Variants in FAM174A observed in about 807,000 individuals in gnomAD.
The protein encoded by FAM174A is family with sequence similarity 174 member A.
Under a neutral mutation model 14.3 loss-of-function variants are expected in FAM174A, and 14 were observed. The ratio of observed to expected loss-of-function variants is 0.98; its 90% CI spans 0.65 to 1.53. FAM174A has a LOEUF of 1.53. Among genes scored for constraint, FAM174A ranks in the 40% most tolerant of loss-of-function variants. The probability of loss-of-function intolerance (pLI) is 0.00; values close to 1 mark genes in which losing one functional copy is unlikely to be tolerated. For missense variants in FAM174A, 241 were observed against 249.6 expected, an observed-to-expected ratio of 0.97 and a Z score of 0.23; for synonymous variants, 108 against 111.4, an observed-to-expected ratio of 0.97 and a Z score of 0.19.
At chr5:100,564,406 A>G (rs1182892094) in intron 2 of FAM174A, among the ~76,000 whole-genome samples, 2 of 151,890 alleles carry the variant, frequency 1.3e-5, no homozygotes, top group Non-Finnish European at 2.9e-5. Context: ...GTTTATAGCA[A>G]TAAATGCTTA....
chr5:100,562,175 AATC>A lies in FAM174A; in HGVS notation c.560_562del (p.His187del). 1 of 1,577,820 alleles carries A rather than the reference AATC, an allele frequency of 6.3e-7. No homozygotes were observed. Among genetic ancestry groups the A allele is most frequent in the Non-Finnish European group, 8.6e-7 (1 of 1,165,632 alleles). ...TGATGACAACACGTTGTTTGATGCC[AATC>A]ATCCTCGAAGGTAAGTATTCCAGTA... On this transcript the variant is annotated inframe_deletion, in exon 2 of 3. Transcript: ENST00000312637.
At chr5:100,565,193 A>C (rs988230000) in intron 2 of FAM174A, among the ~76,000 whole-genome samples, 2 of 151,882 alleles carry the variant, frequency 1.3e-5, no homozygotes, top group Non-Finnish European at 2.9e-5. Context: ...CTGGAATGCA[A>C]ATATCTTTCA....
At chr5:100,539,237 G>A (rs890047605) in intron 1 of FAM174A, among the ~76,000 whole-genome samples, 1 of 151,976 alleles carries the variant, frequency 6.6e-6, no homozygotes, top group Admixed American at 6.6e-5. Context: ...TGGGCACTGG[G>A]GATACAGTTT....
chr5:100,536,542 T>G (rs1344864416), intron 1 of FAM174A, among the ~76,000 whole-genome samples: 2 of 152,176 alleles, frequency 1.3e-5, no homozygotes, highest in African/African-American at 4.8e-5. Flanking sequence ...CTATCAGTGT[T>G]TCCTAGTATT....
chr5:100,544,466 GA>G (rs1399533083), intron 1 of FAM174A, among the ~76,000 whole-genome samples: 5 of 152,066 alleles, frequency 3.3e-5, no homozygotes, highest in Non-Finnish European at 5.9e-5. Context: ...AGAGGAGAGA[GA>G]GGGGGAAAAG....
intron 2 of FAM174A, among the ~76,000 whole-genome samples, chr5:100,562,902 C>A (rs1322997617): frequency 6.6e-6 from 1 of 151,672 alleles, no homozygotes. Context: ...AACAAAGATT[C>A]AACCTAATAA....
In FAM174A at chr5:100,560,267, A is replaced by T. The variant is rs116279779; in HGVS notation, c.435-1787A>T. ...TAGAGAAAGTTTAGACCTCTGGTCTACATGGTGTGTGTGGGTGTGTTTGCA... is the reference window on the plus strand; with the variant it reads ...TAGAGAAAGTTTAGACCTCTGGTCTTCATGGTGTGTGTGGGTGTGTTTGCA... On this transcript the variant is annotated intron_variant, in intron 1 of 2. Transcript: ENST00000312637. Among the ~76,000 whole-genome samples the T allele has an allele frequency of 7.3e-3, 1,115 of 152,236 alleles. 18 individuals are homozygous for T. The highest frequency in any genetic ancestry group is 0.025 in the African/African-American group (1,031 of 41,564).
At chr5:100,575,318 T>A (rs1476316555) in intron 2 of FAM174A, among the ~76,000 whole-genome samples, 2 of 152,092 alleles carry the variant, frequency 1.3e-5, no homozygotes, top group Non-Finnish European at 2.9e-5. Flanking sequence ...TTGTTACATA[T>A]GTATACATAT....
At position 100,562,138 on chromosome 5, in the gene FAM174A, G is replaced by C; in HGVS notation, c.519G>C (p.Gln173His). 1 of 1,585,520 alleles carries C rather than the reference G, an allele frequency of 6.3e-7. No homozygotes were observed. The highest frequency in any genetic ancestry group is 8.6e-7 in the Non-Finnish European group (1 of 1,168,514). Residue 173 changes from glutamine to histidine, a missense_variant, in exon 2 of 3, where the codon CAG becomes CAC. Coordinates refer to ENST00000312637, the MANE Select transcript of FAM174A (RefSeq NM_198507.3). ...IENMELTPLE[Q>H]DDEDDDNTLF... ...ATATGGAATTGACACCTTTAGAACA[G>C]GATGATGAGGATGATGACAACACGT...
chr5:100,536,320 A>T (rs1297556163), intron 1 of FAM174A, among the ~76,000 whole-genome samples: 1 of 152,118 alleles, frequency 6.6e-6, no homozygotes, highest in Admixed American at 6.6e-5. Flanking sequence ...AAATTTTTGT[A>T]TACCTAACTG....
intron 1 of FAM174A, among the ~76,000 whole-genome samples, chr5:100,551,341 G>A (rs774941397): frequency 6.6e-6 from 1 of 152,094 alleles, no homozygotes; most frequent in Non-Finnish European, 1.5e-5. Context: ...CCCTAAACTT[G>A]TCCCTAGCCG....
intron 2 of FAM174A, among the ~76,000 whole-genome samples, chr5:100,581,611 T>C (rs1747018789): frequency 6.6e-6 from 1 of 152,150 alleles, no homozygotes; most frequent in South Asian, 2.1e-4. Flanking sequence ...GCTTAATTCT[T>C]GATAAGTTAA....
intron 2 of FAM174A, among the ~76,000 whole-genome samples, chr5:100,584,112 G>A (rs752827917): frequency 3.3e-5 from 5 of 152,178 alleles, no homozygotes; most frequent in Non-Finnish European, 7.3e-5. Flanking sequence ...AGTGGAACCA[G>A]TCCAGAAAAA....
At chr5:100,536,401 T>C (rs1023878486) in intron 1 of FAM174A, among the ~76,000 whole-genome samples, 8 of 152,224 alleles carry the variant, frequency 5.3e-5, no homozygotes, top group Non-Finnish European at 1.0e-4. Flanking sequence ...TTGTGAGTCT[T>C]ACAAATTATT....
intron 2 of FAM174A, among the ~76,000 whole-genome samples, chr5:100,572,653 G>C (rs1335565753): frequency 6.6e-6 from 1 of 151,844 alleles, no homozygotes; most frequent in Non-Finnish European, 1.5e-5. Flanking sequence ...GTCTATCATT[G>C]TTGGACATTT....
At chr5:100,541,739 T>C (rs755027226) in intron 1 of FAM174A, among the ~76,000 whole-genome samples, 1 of 152,112 alleles carries the variant, frequency 6.6e-6, no homozygotes, top group Non-Finnish European at 1.5e-5. Flanking sequence ...TCATTCTCTC[T>C]TATGCTTTTT....
intron 2 of FAM174A, among the ~76,000 whole-genome samples, chr5:100,570,026 G>A (rs1746744434): frequency 6.6e-6 from 1 of 151,876 alleles, no homozygotes; most frequent in African/African-American, 2.4e-5. Context: ...TAGTCATACA[G>A]TTTTTCTATT....
At chr5:100,540,694 A>G (rs922597053) in intron 1 of FAM174A, among the ~76,000 whole-genome samples, 1 of 152,210 alleles carries the variant, frequency 6.6e-6, no homozygotes, top group African/African-American at 2.4e-5. Context: ...AGATGATGAC[A>G]TAACTGATAT....
At position 100,586,573 on chromosome 5, in the gene FAM174A, C is replaced by T. The variant is rs1747129866; in HGVS notation, c.*389C>T. 6.5e-6 allele frequency: 1 copy of T among 153,956 alleles called. No homozygotes were observed. The highest frequency in any genetic ancestry group is 2.4e-5 in the African/African-American group (1 of 41,512). The allele number at this position is 153,956 out of a possible 1,614,324, so 9.5% of individuals were successfully genotyped here. A position where few individuals can be genotyped will look rare whatever the true frequency, so the allele number is the denominator to read the frequency against. Reference sequence around the variant, plus strand: ...GTTAAAGAGCTATAAATTCCAACAACCAACTGGTGTGTAAAAATAATTTAA... The same window carrying T: ...GTTAAAGAGCTATAAATTCCAACAATCAACTGGTGTGTAAAAATAATTTAA... On this transcript the variant is annotated 3_prime_UTR_variant, in exon 3 of 3. Transcript: ENST00000312637.
Sources: gnomAD v4.1 joint callset for allele counts (sites outside exome capture counted in the v4.1 genomes callset) on GRCh38, gnomAD v4.1.1 for gene constraint, MANE v1.5 for transcripts, NCBI Gene and HGNC (gene_info 2026-07-23, HGNC 2026-07-21) for gene names.